LRRTM4: variants seen among roughly 807,000 people sequenced by gnomAD.
LRRTM4 encodes the protein leucine rich repeat transmembrane neuronal 4, also known as leucine-rich repeat transmembrane neuronal protein 4.
LRRTM4 carries 25 observed loss-of-function variants against 47.6 expected under a neutral mutation model. The ratio of observed to expected loss-of-function variants is 0.53; its 90% CI spans 0.38 to 0.73. The LOEUF (loss-of-function observed/expected upper bound fraction) is 0.73. Ranked by LOEUF, LRRTM4 falls within the 30% of genes least tolerant of loss-of-function variation. The pLI is 0.00. For synonymous variants in LRRTM4, 311 were observed against 269.5 expected, an observed-to-expected ratio of 1.15 and a Z score of -1.51; for missense variants, 638 against 713.4, an observed-to-expected ratio of 0.89 and a Z score of 1.20.
At chr2:76,988,621 A>C (rs1321348351) in intron 3 of LRRTM4, among the ~76,000 whole-genome samples, 1 of 151,890 alleles carries the variant, frequency 6.6e-6, no homozygotes, top group Non-Finnish European at 1.5e-5. Context: ...ATTTTCTACT[A>C]AATATTTTGT....
At chr2:77,240,347 A>G (rs1675222963) in intron 3 of LRRTM4, among the ~76,000 whole-genome samples, 1 of 152,008 alleles carries the variant, frequency 6.6e-6, no homozygotes, top group Non-Finnish European at 1.5e-5. Context: ...ATGCCAAGTT[A>G]AACATCAATT....
chr2:76,785,806 T>C (rs534819033), intron 3 of LRRTM4, among the ~76,000 whole-genome samples: 1 of 152,284 alleles, frequency 6.6e-6, no homozygotes, highest in African/African-American at 2.4e-5. Context: ...TAAGCCATCA[T>C]GTTCTTGGCT....
At chr2:77,421,562 C>T (rs577809816) in intron 3 of LRRTM4, among the ~76,000 whole-genome samples, 1 of 152,168 alleles carries the variant, frequency 6.6e-6, no homozygotes, top group South Asian at 2.1e-4. Flanking sequence ...AAAAAATTAG[C>T]CGGGCGTGTT....
chr2:76,891,746 C>G (rs544596824), intron 3 of LRRTM4, among the ~76,000 whole-genome samples: 1 of 151,740 alleles, frequency 6.6e-6, no homozygotes, highest in Admixed American at 6.6e-5. Context: ...ACATACCAAA[C>G]AAATCCATAT....
intron 3 of LRRTM4, among the ~76,000 whole-genome samples, chr2:77,011,752 G>A (rs1277548734): frequency 6.6e-6 from 1 of 151,828 alleles, no homozygotes; most frequent in Non-Finnish European, 1.5e-5. Context: ...TATCTTATTG[G>A]GGTAAATATA....
intron 3 of LRRTM4, among the ~76,000 whole-genome samples, chr2:77,337,333 T>A (rs1671202547): frequency 6.6e-6 from 1 of 152,070 alleles, no homozygotes; most frequent in Non-Finnish European, 1.5e-5. Flanking sequence ...TCCTTTCAAA[T>A]TATCAATGTC....
intron 3 of LRRTM4, among the ~76,000 whole-genome samples, chr2:76,772,108 C>G (rs1451641925): frequency 6.6e-6 from 1 of 152,082 alleles, no homozygotes; most frequent in African/African-American, 2.4e-5. Flanking sequence ...GAAGTAAGAC[C>G]TTTGGGAGGT....
intron 3 of LRRTM4, among the ~76,000 whole-genome samples, chr2:77,414,389 T>C (rs1045698291): frequency 5.3e-5 from 8 of 152,206 alleles, no homozygotes; most frequent in Non-Finnish European, 1.0e-4. Flanking sequence ...TAGTACTATG[T>C]GAACAGTTTA....
At chr2:76,797,069 A>G (rs931967439) in intron 3 of LRRTM4, among the ~76,000 whole-genome samples, 9 of 152,120 alleles carry the variant, frequency 5.9e-5, no homozygotes, top group Admixed American at 1.3e-4. Flanking sequence ...GAACTTCCCC[A>G]ATCTAGCAAG....
chr2:77,036,832 A>T (rs1429226536), intron 3 of LRRTM4, among the ~76,000 whole-genome samples: 1 of 151,630 alleles, frequency 6.6e-6, no homozygotes, highest in Admixed American at 6.6e-5. Context: ...TTTCATACAT[A>T]AGCGTCCCAA....
intron 3 of LRRTM4, among the ~76,000 whole-genome samples, chr2:76,763,218 C>T (rs1673327340): frequency 6.6e-6 from 1 of 152,146 alleles, no homozygotes; most frequent in Non-Finnish European, 1.5e-5. Flanking sequence ...TAGTTAGTGG[C>T]ATTAACACTC....
intron 3 of LRRTM4, among the ~76,000 whole-genome samples, chr2:77,329,227 A>C (rs1670885015): frequency 6.6e-6 from 1 of 152,178 alleles, no homozygotes; most frequent in Admixed American, 6.5e-5. Context: ...TTACCAAAAA[A>C]ATTGTTTACA....
intron 3 of LRRTM4, among the ~76,000 whole-genome samples, chr2:77,327,188 G>A (rs1310517659): frequency 6.6e-6 from 1 of 152,180 alleles, no homozygotes; most frequent in Non-Finnish European, 1.5e-5. Flanking sequence ...TATACCTATT[G>A]TGGTACTAAA....
At chr2:76,770,761 C>T (rs1002952096) in intron 3 of LRRTM4, among the ~76,000 whole-genome samples, 1 of 152,130 alleles carries the variant, frequency 6.6e-6, no homozygotes, top group Non-Finnish European at 1.5e-5. Flanking sequence ...CTTCTACCCC[C>T]CAGTAGTACA....
intron 3 of LRRTM4, among the ~76,000 whole-genome samples, chr2:77,079,297 A>T (rs1449783073): frequency 6.6e-6 from 1 of 152,196 alleles, no homozygotes; most frequent in Non-Finnish European, 1.5e-5. Context: ...GGAATTGGCA[A>T]ACCATGGTTT....
chr2:77,229,950 T>G (rs1320081952), intron 3 of LRRTM4, among the ~76,000 whole-genome samples: 2 of 152,172 alleles, frequency 1.3e-5, no homozygotes, highest in Non-Finnish European at 1.5e-5. Context: ...TTCATCGCAT[T>G]TACCACCACT....
intron 3 of LRRTM4, among the ~76,000 whole-genome samples, chr2:77,448,752 A>T (rs1676146607): frequency 6.6e-6 from 1 of 152,176 alleles, no homozygotes; most frequent in South Asian, 2.1e-4. Flanking sequence ...TTTTACTTTT[A>T]TAAATGGATG....
chr2:76,970,775 G>A (rs1676191623), intron 3 of LRRTM4, among the ~76,000 whole-genome samples: 1 of 152,016 alleles, frequency 6.6e-6, no homozygotes, highest in African/African-American at 2.4e-5. Context: ...TGGATTGGAA[G>A]GTGTTTCGTG....
chr2:76,860,467 C>T (rs899020437), intron 3 of LRRTM4, among the ~76,000 whole-genome samples: 5 of 152,172 alleles, frequency 3.3e-5, no homozygotes, highest in African/African-American at 4.8e-5. Flanking sequence ...AAATATCCTT[C>T]GTGGCTAGCT....
Sources: allele counts gnomAD v4.1 joint callset (sites outside exome capture counted in the v4.1 genomes callset), GRCh38; gene constraint gnomAD v4.1.1; transcripts MANE v1.5; gene names NCBI Gene and HGNC (gene_info 2026-07-23, HGNC 2026-07-21).